PCNX1: variants seen among roughly 807,000 people sequenced by gnomAD.
The protein encoded by PCNX1 is pecanex-like protein 1.
PCNX1 carries 78 observed loss-of-function variants against 242.2 expected under a neutral mutation model. The ratio of observed to expected loss-of-function variants is 0.32; its 90% CI spans 0.27 to 0.39. The LOEUF is 0.39. PCNX1 is among the 10% of genes least tolerant of loss of function. PCNX1 has a pLI of 1.00. For synonymous variants in PCNX1, 1,024 were observed against 1,032.9 expected (o/e 0.99, Z 0.17); for missense variants, 2,581 against 2,856.5 (o/e 0.90, Z 2.20).
At chr14:70,939,344 T>C (rs917129718) in intron 1 of PCNX1, among the ~76,000 whole-genome samples, 3 of 152,256 alleles carry the variant, frequency 2.0e-5, no homozygotes, top group Non-Finnish European at 4.4e-5. Context: ...TTTGTTCTCA[T>C]TGGTTTCAAA....
chr14:70,951,019 A>G (rs1327868660), intron 2 of PCNX1, among the ~76,000 whole-genome samples: 2 of 152,082 alleles, frequency 1.3e-5, no homozygotes, highest in African/African-American at 2.4e-5. Flanking sequence ...TAAATATACA[A>G]TAAATTAAGA....
At chr14:70,925,368 A>T (rs2056549367) in intron 1 of PCNX1, among the ~76,000 whole-genome samples, 1 of 152,168 alleles carries the variant, frequency 6.6e-6, no homozygotes, top group South Asian at 2.1e-4. Flanking sequence ...GAAAATGAAG[A>T]CAGCCTTGTC....
Position 71,045,155 on chromosome 14 carries a change from A to T in PCNX1, c.3890A>T (p.Tyr1297Phe). ...VLQPALKYVL[Y>F]TLVGFVGFVT... ...TAGCCTGCCCTCAAGTATGTGTTGT[A>T]TACATTGGTTGGCTTTGTGGGTTTT... The change falls in exon 20 of 36, where the codon TAT (tyrosine) becomes TTT (phenylalanine). Residue 1297 changes from tyrosine (Y) to phenylalanine (F), a missense_variant. Coordinates refer to ENST00000304743, the MANE Select transcript of PCNX1 (RefSeq NM_014982.3). 6.2e-7 allele frequency: 1 copy of T among 1,611,722 alleles called. No individual in the cohort carries two copies.
Position 71,109,503 on chromosome 14 carries a change from G to C in PCNX1, c.6796G>C (p.Glu2266Gln), listed in dbSNP as rs765452390. ...LEGINLSKRK[E>Q]LQWPDEGIRL... ...AGGGATCAACCTGTCTAAAAGGAAA[G>C]AGCTACAGTGGCCTGATGAAGGAAT... Residue 2266 changes from glutamate (E) to glutamine (Q), a missense_variant, in exon 35 of 36, where the codon GAG (glutamate) becomes CAG (glutamine). By Grantham distance (29) the Glu-to-Gln change is conservative (BLOSUM62 2). Coordinates refer to ENST00000304743, the MANE Select transcript of PCNX1 (RefSeq NM_014982.3). 1.5e-5 allele frequency: 24 copies of C among 1,613,694 alleles called. No individual in the cohort carries two copies. Among genetic ancestry groups the C allele is most frequent in the Non-Finnish European group, 2.0e-5 (24 of 1,179,718 alleles).
At chr14:71,056,367 G>A (rs1228095095) in intron 25 of PCNX1, among the ~76,000 whole-genome samples, 1 of 152,134 alleles carries the variant, frequency 6.6e-6, no homozygotes, top group Non-Finnish European at 1.5e-5. Context: ...CTTGTAAAGG[G>A]CTAGATTTCT....
Position 71,034,389 on chromosome 14 carries a change from CTTG to C in PCNX1, c.3774+360_3774+362del, listed in dbSNP as rs1024998565. Among the ~76,000 whole-genome samples, 4 of 152,058 alleles carry C rather than the reference CTTG, an allele frequency of 2.6e-5. No individual in the cohort carries two copies. In the South Asian group the frequency reaches 8.3e-4, roughly 32 times the overall value. Reference sequence around the variant, plus strand: ...GATTCATTTTGTTGTTGTTGTTCATCTTGTTGTTGAAAAAAACTATGTCTCTGT... The same window carrying C: ...GATTCATTTTGTTGTTGTTGTTCATCTTGTTGAAAAAAACTATGTCTCTGT... On this transcript the variant is annotated intron_variant, in intron 18 of 35. Transcript: ENST00000304743.
rs1555383134 is a variant in PCNX1 at position 71,112,479 on chromosome 14, CATA to C, written c.*2548_*2550del. 1 of 151,998 alleles carries C rather than the reference CATA, an allele frequency of 6.6e-6. No homozygotes were observed. The highest frequency in any genetic ancestry group is 1.5e-5 in the Non-Finnish European group (1 of 67,930). The allele number at this position is 151,998 out of a possible 1,614,324, so 9.4% of individuals were successfully genotyped here. A position where few individuals can be genotyped will look rare whatever the true frequency, so the allele number is the denominator to read the frequency against. On this transcript the variant is annotated 3_prime_UTR_variant, in exon 36 of 36. Coordinates refer to ENST00000304743, the MANE Select transcript of PCNX1 (RefSeq NM_014982.3). ...CTAAAACTGACAATCTTTTAAAAAT[CATA>C]ATACTTTTCTAGTAATTGCATCAGG...
At chr14:71,060,809 T>G (rs1340130710) in intron 26 of PCNX1, 2 of 152,214 alleles carry the variant, frequency 1.3e-5, no homozygotes, top group African/African-American at 4.8e-5. Context: ...AGAAGCATAT[T>G]ATACCTCTCA....
chr14:71,036,253 A>G (rs1595332000), intron 19 of PCNX1, 96 bp downstream of exon 19: 1 of 776,874 alleles, frequency 1.3e-6, no homozygotes, highest in Non-Finnish European at 2.2e-6. Context: ...ATCACAGTTC[A>G]TTCTAACCTT....
chr14:71,052,140 TAA>T, intron 24 of PCNX1, 128 bp downstream of exon 24: 1 of 667,488 alleles, frequency 1.5e-6, no homozygotes, highest in South Asian at 2.3e-5. Flanking sequence ...TGCTAAAACT[TAA>T]TAAATAGTCT....
rs1002559196 is a variant in PCNX1, at chr14:70,930,776, G to GT, written c.154-16128dup. The stretch of plus-strand genomic sequence containing the variant: ...TGTAGTTAGCTCAGTAGAATATTAT[G>GT]TTTTTTTTTTTCCTTTGGGAAAGTA... On this transcript the variant is annotated intron_variant, in intron 1 of 35. Transcript: ENST00000304743. Among the ~76,000 whole-genome samples, 915 of 146,524 alleles carry GT rather than the reference G, an allele frequency of 6.2e-3. 3 individuals are homozygous for GT. Among genetic ancestry groups the GT allele is most frequent in the Non-Finnish European group, 0.01 (669 of 66,118 alleles).
intron 1 of PCNX1, among the ~76,000 whole-genome samples, chr14:70,910,815 G>A (rs934384981): frequency 1.3e-5 from 2 of 152,270 alleles, no homozygotes; most frequent in African/African-American, 2.4e-5. Flanking sequence ...GTAGTACTCC[G>A]ATGAATGATT....
chr14:70,986,905 A>G (rs2059017938), intron 6 of PCNX1, among the ~76,000 whole-genome samples: 1 of 152,362 alleles, frequency 6.6e-6, no homozygotes, highest in South Asian at 2.1e-4. Context: ...AATATTTCAC[A>G]AAATAATTCT....
intron 1 of PCNX1, among the ~76,000 whole-genome samples, chr14:70,941,827 A>G (rs1387170812): frequency 1.3e-5 from 2 of 152,250 alleles, no homozygotes; most frequent in South Asian, 2.1e-4. Flanking sequence ...AACCTCAGCA[A>G]TGGCGGACGC....
At chr14:70,955,357 G>A (rs1287509909) in intron 2 of PCNX1, among the ~76,000 whole-genome samples, 3 of 152,130 alleles carry the variant, frequency 2.0e-5, no homozygotes, top group Admixed American at 6.5e-5. Context: ...TGTGAATATA[G>A]GAACTTCGTT....
At chr14:71,095,615 AT>A (rs1303753713) in intron 30 of PCNX1, among the ~76,000 whole-genome samples, 2 of 152,196 alleles carry the variant, frequency 1.3e-5, no homozygotes, top group Non-Finnish European at 2.9e-5. Flanking sequence ...ATACATTTTC[AT>A]CTATGTGTGT....
At chr14:70,997,673 T>G (rs2059392025) in intron 8 of PCNX1, among the ~76,000 whole-genome samples, 3 of 152,158 alleles carry the variant, frequency 2.0e-5, no homozygotes, top group Admixed American at 1.3e-4. Flanking sequence ...ATTTGAATGG[T>G]GCCAAATTGA....
intron 19 of PCNX1, among the ~76,000 whole-genome samples, 184 bp downstream of exon 19, chr14:71,036,341 A>C (rs1038031623): frequency 6.6e-6 from 1 of 151,664 alleles, no homozygotes; most frequent in Admixed American, 6.6e-5. Flanking sequence ...AATTTAAAGA[A>C]TTTTTTCTTC....
Position 70,907,657 on chromosome 14 carries a change from T to G in PCNX1, c.-194T>G. On this transcript the variant is annotated 5_prime_UTR_variant, in exon 1 of 36. Coordinates refer to ENST00000304743, the MANE Select transcript of PCNX1 (RefSeq NM_014982.3). ...CCGCTCGCCGCCTCCTCCTCTCGGG[T>G]CTCCTCCTCCTCGTTTGCTGCCTCC... 2 of 469,444 alleles carry G rather than the reference T, an allele frequency of 4.3e-6. No homozygotes were observed. The highest frequency in any genetic ancestry group is 9.6e-5 in the South Asian group (1 of 10,444). 29.1% of individuals were successfully genotyped at this position (469,444 alleles called of 1,614,324 possible). A position where few individuals can be genotyped will look rare whatever the true frequency, so the allele number is the denominator to read the frequency against.
Sources: allele counts gnomAD v4.1 joint callset (sites outside exome capture counted in the v4.1 genomes callset), GRCh38; gene constraint gnomAD v4.1.1; transcripts MANE v1.5; gene names NCBI Gene and HGNC (gene_info 2026-07-23, HGNC 2026-07-21).